The following EYS variants were observed in gnomAD, a reference collection of about 807,000 sequenced individuals.
The protein encoded by EYS is protein eyes shut homolog.
EYS carries 250 observed loss-of-function variants against 282.1 expected under a neutral mutation model. That is an observed-to-expected ratio of 0.89 (90% CI 0.80 to 0.98). The LOEUF is 0.98. Ranked by LOEUF, EYS falls within the 50% of genes least tolerant of loss-of-function variation. The pLI, the probability that EYS is intolerant of heterozygous loss-of-function variation, is 0.00. For synonymous variants in EYS, 1,355 were observed against 1,282.9 expected (o/e 1.06, Z -1.20); for missense variants, 4,016 against 3,709.0 (o/e 1.08, Z -2.15).
chr6:65,035,519 T>C (rs966313906), intron 13 of EYS, among the ~76,000 whole-genome samples: 2 of 152,070 alleles, frequency 1.3e-5, no homozygotes, highest in African/African-American at 2.4e-5. Flanking sequence ...CAAAAATCAC[T>C]AGTATTTTTA....
chr6:64,883,354 A>G (rs563617737), intron 19 of EYS, among the ~76,000 whole-genome samples: 32 of 151,618 alleles, frequency 2.1e-4, no homozygotes, highest in African/African-American at 7.7e-4. Flanking sequence ...ATTGAATTGT[A>G]TATGTTTTCT....
At chr6:64,910,027 T>C (rs1583285091) in intron 16 of EYS, among the ~76,000 whole-genome samples, 2 of 152,218 alleles carry the variant, frequency 1.3e-5, no homozygotes, top group Admixed American at 1.3e-4. Context: ...TGAAAACAAG[T>C]TCAGAAATAC....
At chr6:64,250,334 A>T (rs968735286) in intron 30 of EYS, among the ~76,000 whole-genome samples, 1 of 152,190 alleles carries the variant, frequency 6.6e-6, no homozygotes, top group African/African-American at 2.4e-5. Context: ...GGGTCATAAA[A>T]TCACAACCCT....
intron 22 of EYS, among the ~76,000 whole-genome samples, chr6:64,721,513 A>G (rs561610966): frequency 6.6e-6 from 1 of 152,268 alleles, no homozygotes; most frequent in South Asian, 2.1e-4. Flanking sequence ...ACTAATATTT[A>G]TTGATGGCCT....
At chr6:65,689,123 C>G (rs912053167) in intron 1 of EYS, among the ~76,000 whole-genome samples, 2 of 150,034 alleles carry the variant, frequency 1.3e-5, no homozygotes, top group African/African-American at 4.9e-5. Flanking sequence ...TGGAACCAAC[C>G]CAAACGTCCA....
intron 2 of EYS, among the ~76,000 whole-genome samples, chr6:65,628,902 T>C (rs992440249): frequency 6.6e-5 from 10 of 152,186 alleles, no homozygotes; most frequent in Non-Finnish European, 7.3e-5. Flanking sequence ...GGAAAATAAT[T>C]CAATGGTTTT....
At chr6:64,755,756 A>AG (rs1311646689) in intron 22 of EYS, among the ~76,000 whole-genome samples, 1 of 152,032 alleles carries the variant, frequency 6.6e-6, no homozygotes, top group African/African-American at 2.4e-5. Flanking sequence ...TGGGAGGGTG[A>AG]GGGGGGTGAG....
At chr6:64,306,291 C>A (rs1419968392) in intron 30 of EYS, among the ~76,000 whole-genome samples, 2 of 152,094 alleles carry the variant, frequency 1.3e-5, no homozygotes, top group Non-Finnish European at 1.5e-5. Flanking sequence ...TTATGCTGTC[C>A]TGTGATCAAA....
intron 36 of EYS, among the ~76,000 whole-genome samples, chr6:63,836,400 A>G (rs1771806482): frequency 6.6e-6 from 1 of 152,030 alleles, no homozygotes; most frequent in Non-Finnish European, 1.5e-5. Flanking sequence ...AATAAGAAAA[A>G]GAAAAAAAAG....
intron 26 of EYS, among the ~76,000 whole-genome samples, chr6:64,502,053 T>A (rs1298026884): frequency 1.3e-5 from 2 of 152,160 alleles, no homozygotes; most frequent in Non-Finnish European, 2.9e-5. Flanking sequence ...AATGAGTAAA[T>A]GCATGCTAAG....
At chr6:65,105,794 C>T (rs906864991) in intron 12 of EYS, among the ~76,000 whole-genome samples, 1 of 151,884 alleles carries the variant, frequency 6.6e-6, no homozygotes, top group Non-Finnish European at 1.5e-5. Context: ...GAGGAGACAA[C>T]ATGAACCTGT....
chr6:64,852,328 C>T (rs1765911676), intron 19 of EYS, among the ~76,000 whole-genome samples: 1 of 152,098 alleles, frequency 6.6e-6, no homozygotes, highest in African/African-American at 2.4e-5. Context: ...GGATACAAAG[C>T]AGGCAGAAAA....
At chr6:65,091,047 A>AT (rs1774542813) in intron 12 of EYS, among the ~76,000 whole-genome samples, 1 of 151,960 alleles carries the variant, frequency 6.6e-6, no homozygotes. Flanking sequence ...TTAAACATGC[A>AT]TTTTTTAGAG....
At chr6:64,256,689 C>T (rs1041082549) in intron 30 of EYS, among the ~76,000 whole-genome samples, 6 of 152,012 alleles carry the variant, frequency 3.9e-5, no homozygotes, top group African/African-American at 1.4e-4. Context: ...GAGGAGCACA[C>T]ATGGCCATCA....
intron 5 of EYS, among the ~76,000 whole-genome samples, chr6:65,452,009 G>A (rs1764417062): frequency 6.6e-6 from 1 of 151,562 alleles, no homozygotes; most frequent in Non-Finnish European, 1.5e-5. Context: ...GAAACTTTGA[G>A]AAGTTTTACT....
At chr6:64,810,495 T>C (rs1271381894) in intron 22 of EYS, among the ~76,000 whole-genome samples, 1 of 152,052 alleles carries the variant, frequency 6.6e-6, no homozygotes, top group African/African-American at 2.4e-5. Flanking sequence ...AAAATTAATA[T>C]GTGAATCTTA....
At chr6:64,635,790 TG>T (rs375918275) in intron 22 of EYS, among the ~76,000 whole-genome samples, 3 of 152,184 alleles carry the variant, frequency 2.0e-5, no homozygotes, top group Admixed American at 2.0e-4. Context: ...TTCTCTTTTT[TG>T]GTTGTGTCTC....
rs985450418 is a variant in EYS at position 64,829,606 on chromosome 6, G to C, written c.2993-6784C>G. Among the ~76,000 whole-genome samples the C allele has an allele frequency of 2.6e-5, 4 of 152,050 alleles. No homozygotes were observed. The South Asian group carries it at 8.3e-4, about 32-fold the overall frequency. ...GCAATCAGATAACGATAGATCTGTT[G>C]GTTTCATGATGTAGCACACCATCCA... On this transcript the variant is annotated intron_variant, in intron 19 of 42. Coordinates refer to ENST00000503581, the MANE Select transcript of EYS (RefSeq NM_001142800.2).
intron 12 of EYS, among the ~76,000 whole-genome samples, chr6:65,268,943 C>G (rs964245176): frequency 6.6e-6 from 1 of 151,804 alleles, no homozygotes; most frequent in African/African-American, 2.4e-5. Flanking sequence ...TTATAATTTT[C>G]TTTTCAAAAT....
Sources: gnomAD v4.1 joint callset for allele counts (sites outside exome capture counted in the v4.1 genomes callset) on GRCh38, gnomAD v4.1.1 for gene constraint, MANE v1.5 for transcripts, NCBI Gene and HGNC (gene_info 2026-07-23, HGNC 2026-07-21) for gene names.